OXER1: variants seen among roughly 807,000 people sequenced by gnomAD.
The protein encoded by OXER1 is 5-oxo-ETE G-protein coupled receptor.
For synonymous variants in OXER1, 258 were observed against 245.8 expected, an observed-to-expected ratio of 1.05 and a Z score of -0.47; for missense variants, 587 against 551.7, an observed-to-expected ratio of 1.06 and a Z score of -0.64.
In OXER1 at chr2:42,763,113, C is replaced by A. The variant is rs1333124593; in HGVS notation, c.1067G>T (p.Cys356Phe). 1.2e-6 allele frequency: 2 copies of A among 1,614,170 alleles called. No homozygotes were observed. The highest frequency in any genetic ancestry group is 2.2e-5 in the East Asian group (1 of 44,874). Residue 356 changes from cysteine (C) to phenylalanine (F), a missense_variant, in exon 1 of 1, where the codon TGC (cysteine) becomes TTC (phenylalanine). Physicochemically the swap from Cys to Phe is radical, Grantham distance 205. Transcript: ENST00000378661. The surrounding 1 kb of genome is among the most constrained non-coding windows in gnomAD (Gnocchi z 4.4). ...GTGGAGGAAGTTGGGGCTAGAGAAG[C>A]AGTAGAGCACGGGGTCCAGGACACT...
exon 1 of OXER1, chr2:42,762,595 G>A: frequency 2.7e-6 from 1 of 377,260 alleles, no homozygotes; most frequent in East Asian, 4.5e-5. Context: ...TGCTGTGACA[G>A]TGATTGGCGT....
In OXER1 at chr2:42,763,392, A is replaced by G; in HGVS notation, c.788T>C (p.Leu263Pro). The G allele has an allele frequency of 1.9e-6, 3 of 1,601,392 alleles. No individual in the cohort carries two copies. The highest frequency in any genetic ancestry group is 2.6e-6 in the Non-Finnish European group (3 of 1,174,570). ...AGCAAAGAGGATGAGCGCCAGTGGC[A>G]GGAAGAACTCCAGCAGGTACAGTGC... The change falls in exon 1 of 1, where the codon CTG becomes CCG. Residue 263 changes from leucine to proline, a missense_variant. Leu to Pro is a moderately conservative substitution (Grantham distance 98). Transcript: ENST00000378661. This position sits in a 1 kb window ranked among gnomAD's most constrained non-coding sequence, Gnocchi z 4.4.
the OXER1 span, chr2:42,763,120 GCACGGGGTCCAGGA>G: frequency 6.2e-7 from 1 of 1,614,210 alleles, no homozygotes. The surrounding 1 kb of genome is among the most constrained non-coding windows in gnomAD (Gnocchi z 4.4). Context: ...AAGCAGTAGA[GCACGGGGTCCAGGA>G]CACTGTTGAG....
At chr2:42,764,075 C>T in the OXER1 span, 68 of 1,613,896 alleles carry the variant, frequency 4.2e-5, no homozygotes, top group African/African-American at 7.5e-4. Flanking sequence ...GCTGCTTGGG[C>T]CATGGGCCTG....
At position 42,763,733 on chromosome 2, in the gene OXER1, C is replaced by T; in HGVS notation, c.447G>A (p.Val149=). The change falls in exon 1 of 1, where the codon GTG becomes GTA. Residue 149 remains valine, a synonymous_variant. Transcript: ENST00000378661. The surrounding 1 kb of genome is among the most constrained non-coding windows in gnomAD (Gnocchi z 4.4). ...AGGTCTCATGGAGGAGGTAGTAGTC[C>T]ACGCGGAGGGGCAGGTTGCTGATCA... 1.2e-6 allele frequency: 2 copies of T among 1,614,138 alleles called. No individual in the cohort carries two copies. Among genetic ancestry groups the T allele is most frequent in the African/African-American group, 1.3e-5 (1 of 75,046 alleles).
Position 42,763,880 on chromosome 2 carries a change from G to A in OXER1, c.300C>T (p.Ala100=). ...CCACCAGGCCCAGGACAAACTCCAG[G>A]GCCAGGATTGGTGCCAGGAAGGCAG... Residue 100 remains alanine, a synonymous_variant, in exon 1 of 1, where the codon GCC becomes GCT. Coordinates refer to ENST00000378661, the Ensembl canonical transcript of OXER1. This position sits in a 1 kb window ranked among gnomAD's most constrained non-coding sequence, Gnocchi z 4.4. 3.7e-6 allele frequency: 6 copies of A among 1,613,990 alleles called. No homozygotes were observed. Among genetic ancestry groups the A allele is most frequent in the Non-Finnish European group, 5.1e-6 (6 of 1,180,024 alleles).
rs759209483 is a variant in OXER1, at chr2:42,763,167, T to C, written c.1013A>G (p.His338Arg). The C allele has an allele frequency of 6.2e-7, 1 of 1,613,664 alleles. No homozygotes were observed. The highest frequency in any genetic ancestry group is 8.5e-7 in the Non-Finnish European group (1 of 1,179,706). The change falls in exon 1 of 1, where the codon CAT becomes CGT. Residue 338 changes from histidine to arginine, a missense_variant. Coordinates refer to ENST00000378661, the Ensembl canonical transcript of OXER1. The surrounding 1 kb of genome is among the most constrained non-coding windows in gnomAD (Gnocchi z 4.4). ...GAGGTAGGTGAAGGCCAGGGAGCCA[T>C]GGAAGAGCTGTGTGCAGAGGTCCAG...
At position 42,763,539 on chromosome 2, in the gene OXER1, C is replaced by G. The variant is rs1670537111; in HGVS notation, c.641G>C (p.Gly214Ala). 6.4e-7 allele frequency: 1 copy of G among 1,559,612 alleles called. No homozygotes were observed. The highest frequency in any genetic ancestry group is 8.7e-7 in the Non-Finnish European group (1 of 1,152,238). The change falls in exon 1 of 1, where the codon GGG becomes GCG. Residue 214 changes from glycine to alanine, a missense_variant. By Grantham distance (60) the Gly-to-Ala change is moderately conservative. Coordinates refer to ENST00000378661, the Ensembl canonical transcript of OXER1. The surrounding 1 kb of genome is among the most constrained non-coding windows in gnomAD (Gnocchi z 4.4). ...GAGCAGGATGCCCACCCAGAGTCCCCCGGCCACCCGGGCAGCTGCCCCCAC... is the reference window on the plus strand; with the variant it reads ...GAGCAGGATGCCCACCCAGAGTCCCGCGGCCACCCGGGCAGCTGCCCCCAC...
exon 1 of OXER1, chr2:42,762,564 G>C: frequency 3.3e-6 from 1 of 307,228 alleles, no homozygotes; most frequent in South Asian, 7.4e-5. Flanking sequence ...ACATGCAGCT[G>C]TCCAATTTCT....
In OXER1 at chr2:42,763,443, G is replaced by C. The variant is rs771803761; in HGVS notation, c.737C>G (p.Pro246Arg). 1.3e-6 allele frequency: 2 copies of C among 1,569,986 alleles called. No individual in the cohort carries two copies. The highest frequency in any genetic ancestry group is 1.7e-6 in the Non-Finnish European group (2 of 1,157,748). Residue 246 changes from proline to arginine, a missense_variant, in exon 1 of 1, where the codon CCC becomes CGC. Coordinates refer to ENST00000378661, the Ensembl canonical transcript of OXER1. The surrounding 1 kb of genome is among the most constrained non-coding windows in gnomAD (Gnocchi z 4.4). Reference sequence around the variant, plus strand: ...CTGGTGCCAGCGGAGCGAGGCCGAGGGCTTCGTGCCCACCCTGTAGCTGAG... The same window carrying C: ...CTGGTGCCAGCGGAGCGAGGCCGAGCGCTTCGTGCCCACCCTGTAGCTGAG...
rs575064937 is a variant in OXER1 at position 42,762,973 on chromosome 2, C to G, written c.1207G>C (p.Ala403Pro). The stretch of plus-strand genomic sequence containing the variant: ...CCCTGCACTTTCAGCTTCCCTATGG[C>G]CTCCGCCTTCCTAGAGGCCTCCCGG... Residue 403 changes from alanine (A) to proline (P), a missense_variant, in exon 1 of 1, where the codon GCC becomes CCC. By Grantham distance (27) the Ala-to-Pro change is conservative. Coordinates refer to ENST00000378661, the Ensembl canonical transcript of OXER1. 163 of 1,613,812 alleles carry G rather than the reference C, an allele frequency of 1.0e-4. 4 individuals carry two copies. The South Asian group carries it at 1.7e-3, about 17-fold the overall frequency.
chr2:42,763,120 G>A lies in OXER1; in HGVS notation c.1060C>T (p.Leu354Phe), dbSNP rs1670515962. 1 of 1,614,210 alleles carries A rather than the reference G, an allele frequency of 6.2e-7. No homozygotes were observed. The highest frequency in any genetic ancestry group is 8.5e-7 in the Non-Finnish European group (1 of 1,180,030). Residue 354 changes from leucine (L) to phenylalanine (F), a missense_variant, in exon 1 of 1, where the codon CTC becomes TTC. Coordinates refer to ENST00000378661, the Ensembl canonical transcript of OXER1. This position sits in a 1 kb window ranked among gnomAD's most constrained non-coding sequence, Gnocchi z 4.4. Reference sequence around the variant, plus strand: ...AAGTTGGGGCTAGAGAAGCAGTAGAGCACGGGGTCCAGGACACTGTTGAGG... The same window carrying A: ...AAGTTGGGGCTAGAGAAGCAGTAGAACACGGGGTCCAGGACACTGTTGAGG...
In OXER1 at chr2:42,763,997, G is replaced by C; in HGVS notation, c.183C>G (p.Phe61Leu). ...AGGGAGCAGAGGAGGGTGAGGGAGA[G>C]AAGGAGGGAGGGAGAACAGAGGAGG... Residue 61 changes from phenylalanine to leucine, a missense_variant, in exon 1 of 1, where the codon TTC (phenylalanine) becomes TTG (leucine). Coordinates refer to ENST00000378661, the Ensembl canonical transcript of OXER1. This position sits in a 1 kb window ranked among gnomAD's most constrained non-coding sequence, Gnocchi z 4.4. 1.9e-6 allele frequency: 3 copies of C among 1,613,760 alleles called. No individual in the cohort carries two copies. Among genetic ancestry groups the C allele is most frequent in the African/African-American group, 1.3e-5 (1 of 74,982 alleles).
rs1429932040 is a variant in OXER1 at position 42,763,979 on chromosome 2, A to G, written c.201T>C (p.Ser67=). ...CCACAGTGGTAAAGGCAGAGGGAGC[A>G]GAGGAGGGTGAGGGAGAGAAGGAGG... Residue 67 remains serine, a synonymous_variant, in exon 1 of 1, where the codon TCT becomes TCC. Coordinates refer to ENST00000378661, the Ensembl canonical transcript of OXER1. This position sits in a 1 kb window ranked among gnomAD's most constrained non-coding sequence, Gnocchi z 4.4. The G allele has an allele frequency of 6.8e-6, 11 of 1,613,554 alleles. No individual in the cohort carries two copies. Among genetic ancestry groups the G allele is most frequent in the African/African-American group, 4.0e-5 (3 of 74,866 alleles).
Position 42,763,136 on chromosome 2 carries a change from A to G in OXER1, c.1044T>C (p.Ser348=), listed in dbSNP as rs1448063143. 1.2e-6 allele frequency: 2 copies of G among 1,614,018 alleles called. No homozygotes were observed. Among genetic ancestry groups the G allele is most frequent in the African/African-American group, 1.3e-5 (1 of 74,932 alleles). Residue 348 remains serine, a synonymous_variant, in exon 1 of 1, where the codon AGT becomes AGC. Coordinates refer to ENST00000378661, the Ensembl canonical transcript of OXER1. This position sits in a 1 kb window ranked among gnomAD's most constrained non-coding sequence, Gnocchi z 4.4. ...AGCAGTAGAGCACGGGGTCCAGGAC[A>G]CTGTTGAGGTAGGTGAAGGCCAGGG...
rs370591048 is a variant in OXER1 at position 42,763,053 on chromosome 2, C to T, written c.1127G>A (p.Arg376Gln). ...GCTCTCGTCGCTCACTGGGCCCTGC[C>T]GGCCCCGCGTGAGGCCCAGCAAGGC... is the stretch of plus-strand genomic sequence containing the variant. Residue 376 changes from arginine (R) to glutamine (Q), a missense_variant, in exon 1 of 1, where the codon CGG (arginine) becomes CAG (glutamine). Coordinates refer to ENST00000378661, the Ensembl canonical transcript of OXER1. The surrounding 1 kb of genome is among the most constrained non-coding windows in gnomAD (Gnocchi z 4.4). 26 of 1,613,938 alleles carry T rather than the reference C, an allele frequency of 1.6e-5. No homozygotes were observed. The highest frequency in any genetic ancestry group is 1.5e-4 in the African/African-American group (11 of 74,924).
At position 42,763,829 on chromosome 2, in the gene OXER1, G is replaced by A. The variant is rs1670556235; in HGVS notation, c.351C>T (p.Phe117=). The A allele has an allele frequency of 6.2e-7, 1 of 1,613,988 alleles. No homozygotes were observed. The highest frequency in any genetic ancestry group is 2.2e-5 in the East Asian group (1 of 44,878). ...AGGTCCAGGGCCGCGTGTGGATGCA[G>A]AAGATGAAGAGGGCCAAACTGTTCC... The change falls in exon 1 of 1, where the codon TTC becomes TTT. Residue 117 remains phenylalanine, a synonymous_variant. Coordinates refer to ENST00000378661, the Ensembl canonical transcript of OXER1. This position sits in a 1 kb window ranked among gnomAD's most constrained non-coding sequence, Gnocchi z 4.4.
rs1418069934 is a variant in OXER1 at position 42,763,951 on chromosome 2, C to T, written c.229G>A (p.Gly77Arg). ...GGGTGGCAGGGCCCTCCAGAGGACC[C>T]CCCCACAGTGGTAAAGGCAGAGGGA... The change falls in exon 1 of 1, where the codon GGG becomes AGG. Residue 77 changes from glycine to arginine, a missense_variant. Transcript: ENST00000378661. This position sits in a 1 kb window ranked among gnomAD's most constrained non-coding sequence, Gnocchi z 4.4. The T allele has an allele frequency of 6.2e-7, 1 of 1,613,644 alleles. No homozygotes were observed. Among genetic ancestry groups the T allele is most frequent in the African/African-American group, 1.3e-5 (1 of 74,830 alleles).
the OXER1 span, chr2:42,763,424 C>T: frequency 1.3e-6 from 2 of 1,583,812 alleles, no homozygotes; most frequent in South Asian, 1.1e-5. This position sits in a 1 kb window ranked among gnomAD's most constrained non-coding sequence, Gnocchi z 4.4. Context: ...GTGCCTGGTG[C>T]CAGCGGAGCG....
Sources: gnomAD v4.1 joint callset for allele counts on GRCh38, gnomAD v4.1.1 for gene constraint, Gnocchi (gnomAD v3.1) non-coding constraint, MANE v1.5 for transcripts, NCBI Gene and HGNC (gene_info 2026-07-23, HGNC 2026-07-21) for gene names.